Variants in HNF4G observed in about 807,000 individuals in gnomAD.
HNF4G encodes the protein hepatocyte nuclear factor 4 gamma.
Under a neutral mutation model 50.9 loss-of-function variants are expected in HNF4G, and 21 were observed. That is an observed-to-expected ratio of 0.41 (90% CI 0.29 to 0.59). The LOEUF (loss-of-function observed/expected upper bound fraction) is 0.59. Ranked by LOEUF, HNF4G falls within the 20% of genes least tolerant of loss-of-function variation. The pLI is 0.26. For missense variants in HNF4G, 527 were observed against 559.4 expected (o/e 0.94, Z 0.58); for synonymous variants, 198 against 185.6 (o/e 1.07, Z -0.54).
At chr8:75,524,486 G>A (rs893771197) in intron 2 of HNF4G, among the ~76,000 whole-genome samples, 7 of 152,138 alleles carry the variant, frequency 4.6e-5, no homozygotes, top group Admixed American at 1.3e-4. Flanking sequence ...GCATAGTTTC[G>A]AAAACCTACT....
In HNF4G at chr8:75,565,333, G is replaced by A. The variant is rs957621066; in HGVS notation, c.*1237G>A. ...TGTAAAATTGTTGTAGCTTGAATAA[G>A]AAACCACTTTTGTAGTTTTAACCAG... On this transcript the variant is annotated 3_prime_UTR_variant, in exon 10 of 10. Coordinates refer to ENST00000396423, the MANE Select transcript of HNF4G (RefSeq NM_004133.5). The A allele has an allele frequency of 1.3e-5, 2 of 149,222 alleles. No homozygotes were observed. Among genetic ancestry groups the A allele is most frequent in the Non-Finnish European group, 3.0e-5 (2 of 66,794 alleles). 9.2% of individuals were successfully genotyped at this position (149,222 alleles called of 1,614,324 possible).
At chr8:75,501,923 G>T (rs1001714170) in intron 2 of HNF4G, among the ~76,000 whole-genome samples, 13 of 147,284 alleles carry the variant, frequency 8.8e-5, no homozygotes, top group Non-Finnish European at 1.5e-4. Context: ...CGCAATCTCG[G>T]CTCACTGCAA....
chr8:75,417,146 C>T (rs1460431701), intron 1 of HNF4G, among the ~76,000 whole-genome samples: 3 of 150,420 alleles, frequency 2.0e-5, no homozygotes, highest in African/African-American at 4.9e-5. Flanking sequence ...CACACACACA[C>T]GCTGCTGTGA....
intron 1 of HNF4G, among the ~76,000 whole-genome samples, chr8:75,465,323 G>A (rs1379107643): frequency 6.6e-6 from 1 of 152,100 alleles, no homozygotes; most frequent in African/African-American, 2.4e-5. Context: ...CATCAATAAA[G>A]TTATAGTGTT....
chr8:75,507,962 G>T (rs1805638869), intron 2 of HNF4G, among the ~76,000 whole-genome samples: 1 of 151,900 alleles, frequency 6.6e-6, no homozygotes, highest in Non-Finnish European at 1.5e-5. Flanking sequence ...AACAAAGCTT[G>T]TGAAAAGGAT....
At chr8:75,519,133 T>C (rs959595471) in intron 2 of HNF4G, among the ~76,000 whole-genome samples, 25 of 152,212 alleles carry the variant, frequency 1.6e-4, no homozygotes, top group African/African-American at 2.7e-4. Context: ...CACAGATCTC[T>C]AGGGCAGGGG....
intron 2 of HNF4G, among the ~76,000 whole-genome samples, chr8:75,518,928 T>C (rs1805966337): frequency 1.3e-5 from 2 of 152,206 alleles, no homozygotes; most frequent in African/African-American, 4.8e-5. Flanking sequence ...TTCTGTTGCA[T>C]CTTCGTACTG....
At chr8:75,545,789 G>T (rs1425036978) in intron 2 of HNF4G, among the ~76,000 whole-genome samples, 2 of 151,860 alleles carry the variant, frequency 1.3e-5, no homozygotes, top group Non-Finnish European at 2.9e-5. Context: ...GAAACAAGTA[G>T]CATTAATCTG....
intron 1 of HNF4G, among the ~76,000 whole-genome samples, chr8:75,417,723 C>T (rs1449141832): frequency 1.3e-5 from 2 of 152,126 alleles, no homozygotes; most frequent in African/African-American, 2.4e-5. Flanking sequence ...AATAATTTAA[C>T]TGATATTTCA....
chr8:75,459,479 C>T (rs1411760392), intron 1 of HNF4G, among the ~76,000 whole-genome samples: 1 of 152,028 alleles, frequency 6.6e-6, no homozygotes, highest in African/African-American at 2.4e-5. Flanking sequence ...AAAAATAGTT[C>T]ATTTATTGAG....
intron 1 of HNF4G, among the ~76,000 whole-genome samples, chr8:75,466,567 TCG>T: frequency 7.4e-6 from 1 of 134,470 alleles, no homozygotes; most frequent in South Asian, 2.6e-4. Context: ...TTCTCTTTTC[TCG>T]CTCCTTCCTT....
chr8:75,450,659 G>C (rs1461747819), intron 1 of HNF4G, among the ~76,000 whole-genome samples: 1 of 152,186 alleles, frequency 6.6e-6, no homozygotes, highest in Non-Finnish European at 1.5e-5. Flanking sequence ...ATATCTCACT[G>C]TGGTTTTAAT....
Position 75,564,909 on chromosome 8 carries a change from A to G in HNF4G, c.*813A>G, listed in dbSNP as rs955643205. On this transcript the variant is annotated 3_prime_UTR_variant, in exon 10 of 10. Coordinates refer to ENST00000396423, the MANE Select transcript of HNF4G (RefSeq NM_004133.5). Reference sequence around the variant, plus strand: ...TAGTACATGCCCACAGCTGGCTCCCACGGTAGCCAGGAGAATTATCTATAG... The same window carrying G: ...TAGTACATGCCCACAGCTGGCTCCCGCGGTAGCCAGGAGAATTATCTATAG... The G allele has an allele frequency of 1.3e-5, 2 of 152,182 alleles. No individual in the cohort carries two copies. Among genetic ancestry groups the G allele is most frequent in the African/African-American group, 4.8e-5 (2 of 41,456 alleles). 9.4% of individuals were successfully genotyped at this position (152,182 alleles called of 1,614,324 possible).
chr8:75,541,552 T>C (rs1806623178), intron 1 of HNF4G, among the ~76,000 whole-genome samples: 1 of 151,202 alleles, frequency 6.6e-6, no homozygotes, highest in Admixed American at 6.6e-5. Flanking sequence ...ATGACAATAT[T>C]TGTCTACTCA....
chr8:75,454,406 T>C (rs1307384369), intron 1 of HNF4G, among the ~76,000 whole-genome samples: 2 of 152,188 alleles, frequency 1.3e-5, no homozygotes, highest in African/African-American at 4.8e-5. Flanking sequence ...TCGTAAAACC[T>C]CAGTACATGC....
At chr8:75,513,671 T>A (rs1295574318) in intron 2 of HNF4G, among the ~76,000 whole-genome samples, 1 of 152,118 alleles carries the variant, frequency 6.6e-6, no homozygotes, top group African/African-American at 2.4e-5. Context: ...TTGCTTGTTT[T>A]CTGACTTTTT....
intron 1 of HNF4G, among the ~76,000 whole-genome samples, chr8:75,412,303 C>T (rs569091860): frequency 2.6e-4 from 40 of 152,206 alleles, no homozygotes; most frequent in African/African-American, 8.7e-4. Context: ...TCAATTCTGC[C>T]GCCTGTCAGT....
intron 1 of HNF4G, among the ~76,000 whole-genome samples, chr8:75,410,835 A>C (rs1175712949): frequency 6.6e-6 from 1 of 152,236 alleles, no homozygotes; most frequent in Admixed American, 6.5e-5. Flanking sequence ...ATTTATACCT[A>C]TTGGTGTCAG....
intron 2 of HNF4G, among the ~76,000 whole-genome samples, chr8:75,502,568 T>C (rs1212541959): frequency 6.6e-6 from 1 of 152,192 alleles, no homozygotes; most frequent in African/African-American, 2.4e-5. Flanking sequence ...CCTCATCCTG[T>C]ACAAATAATT....
Sources: gnomAD v4.1 joint callset for allele counts (sites outside exome capture counted in the v4.1 genomes callset) on GRCh38, gnomAD v4.1.1 for gene constraint, MANE v1.5 for transcripts, NCBI Gene and HGNC (gene_info 2026-07-23, HGNC 2026-07-21) for gene names.